FHL2: variants seen among roughly 807,000 people sequenced by gnomAD.
The protein encoded by FHL2 is four and a half LIM domains 2.
FHL2 carries 20 observed loss-of-function variants against 32.7 expected under a neutral mutation model. The observed-to-expected ratio is 0.61, with a 90% confidence interval of 0.43 to 0.89. FHL2 has a LOEUF of 0.89. Ranked by LOEUF, FHL2 falls within the 40% of genes least tolerant of loss-of-function variation. FHL2 has a pLI of 0.00. For missense variants in FHL2, 311 were observed against 358.6 expected, an observed-to-expected ratio of 0.87 and a Z score of 1.07; for synonymous variants, 123 against 128.1, an observed-to-expected ratio of 0.96 and a Z score of 0.27.
At chr2:105,371,330 T>C (rs2104522353) in intron 4 of FHL2, among the ~76,000 whole-genome samples, 2 of 152,260 alleles carry the variant, frequency 1.3e-5, no homozygotes, top group South Asian at 4.1e-4. Flanking sequence ...TAGTGGGCCT[T>C]AGGGGCAAAG....
intron 1 of FHL2, among the ~76,000 whole-genome samples, chr2:105,421,820 G>T (rs927466470): frequency 2.0e-5 from 3 of 152,218 alleles, no homozygotes; most frequent in Non-Finnish European, 4.4e-5. Flanking sequence ...CCATGCATGA[G>T]CTTGCAATGC....
chr2:105,419,175 C>T (rs181212785), intron 1 of FHL2, among the ~76,000 whole-genome samples: 1 of 152,240 alleles, frequency 6.6e-6, no homozygotes, highest in Non-Finnish European at 1.5e-5. Context: ...TATGTCACAC[C>T]AGAATATGCC....
At chr2:105,436,757 C>G (rs562053050) in intron 1 of FHL2, among the ~76,000 whole-genome samples, 13 of 152,092 alleles carry the variant, frequency 8.5e-5, no homozygotes, top group African/African-American at 3.1e-4. Flanking sequence ...AAATAGTTAT[C>G]TTTGAGTAGT....
At chr2:105,423,268 C>T (rs1019968874) in intron 1 of FHL2, among the ~76,000 whole-genome samples, 5 of 152,140 alleles carry the variant, frequency 3.3e-5, no homozygotes, top group East Asian at 1.9e-4. Flanking sequence ...AATTACAGTT[C>T]GATTTTGAAT....
At chr2:105,366,886 C>T (rs935065844) in intron 5 of FHL2, among the ~76,000 whole-genome samples, 1 of 152,232 alleles carries the variant, frequency 6.6e-6, no homozygotes, top group African/African-American at 2.4e-5. Context: ...GCTGGGACTA[C>T]AGGCGTGTGC....
At chr2:105,386,814 G>C (rs927583178) in intron 2 of FHL2, among the ~76,000 whole-genome samples, 4 of 140,370 alleles carry the variant, frequency 2.8e-5, no homozygotes, top group Non-Finnish European at 4.5e-5. Context: ...GCCCAGGCTG[G>C]AGTGCAGTGG....
intron 1 of FHL2, among the ~76,000 whole-genome samples, chr2:105,419,099 C>T (rs1388446301): frequency 1.3e-5 from 2 of 152,146 alleles, no homozygotes; most frequent in Non-Finnish European, 2.9e-5. Context: ...TATACCCATA[C>T]ATCAGAAAGA....
At chr2:105,410,024 T>C (rs957568600) in intron 1 of FHL2, among the ~76,000 whole-genome samples, 1 of 152,244 alleles carries the variant, frequency 6.6e-6, no homozygotes, top group Non-Finnish European at 1.5e-5. Context: ...CTGAGATTAC[T>C]GTGCACACTC....
At chr2:105,386,588 A>G (rs916039557) in intron 2 of FHL2, 48 bp from the exon 3 acceptor site, 3 of 1,556,458 alleles carry the variant, frequency 1.9e-6, no homozygotes, top group African/African-American at 2.7e-5. Flanking sequence ...ACTCTCTGAA[A>G]GGGGTGCACG....
intron 4 of FHL2, among the ~76,000 whole-genome samples, chr2:105,371,546 A>ATCTCTCTC (rs10701119): frequency 0.03 from 4,270 of 140,956 alleles, 148 homozygotes; most frequent in East Asian, 0.21. Flanking sequence ...ATCCCTTGAA[A>ATCTCTCTC]TCTCTCTCTC....
At chr2:105,381,431 A>G (rs1256618923) in intron 3 of FHL2, among the ~76,000 whole-genome samples, 1 of 152,158 alleles carries the variant, frequency 6.6e-6, no homozygotes, top group Non-Finnish European at 1.5e-5. Context: ...TATAGGTGGC[A>G]GGACTTGTCC....
At chr2:105,427,453 A>C (rs572426375) in intron 1 of FHL2, among the ~76,000 whole-genome samples, 13 of 152,282 alleles carry the variant, frequency 8.5e-5, no homozygotes, top group African/African-American at 3.1e-4. Flanking sequence ...GTGTCTTGTG[A>C]ACATGTGGAG....
intron 3 of FHL2, among the ~76,000 whole-genome samples, chr2:105,379,622 C>A (rs1186880800): frequency 1.3e-5 from 2 of 152,214 alleles, no homozygotes; most frequent in African/African-American, 4.8e-5. Context: ...TCCGACAAAA[C>A]TAAACTGTGC....
chr2:105,372,739 A>G (rs1681174120), intron 4 of FHL2, among the ~76,000 whole-genome samples: 1 of 151,922 alleles, frequency 6.6e-6, no homozygotes, highest in Non-Finnish European at 1.5e-5. Flanking sequence ...CAGTGAGTCA[A>G]GATTGCACCA....
chr2:105,398,852 A>G lies in FHL2; in HGVS notation c.-86T>C. 6.9e-7 allele frequency: 1 copy of G among 1,453,218 alleles called. No homozygotes were observed. The highest frequency in any genetic ancestry group is 1.5e-5 in the South Asian group (1 of 65,476). 90.0% of individuals were successfully genotyped at this position (1,453,218 alleles called of 1,614,324 possible). A position where few individuals can be genotyped will look rare whatever the true frequency, so the allele number is the denominator to read the frequency against. ...CTGCTCTCCTCTCACCAGTCTCCCCAACTCCGGCTCTGCTCCCCTCTCCTT... is the reference window on the plus strand; with the variant it reads ...CTGCTCTCCTCTCACCAGTCTCCCCGACTCCGGCTCTGCTCCCCTCTCCTT... On this transcript the variant is annotated 5_prime_UTR_variant, in exon 1 of 7. Coordinates refer to ENST00000530340, the MANE Select transcript of FHL2 (RefSeq NM_001318895.3).
chr2:105,425,462 C>T (rs1297255981), intron 1 of FHL2, among the ~76,000 whole-genome samples: 1 of 152,024 alleles, frequency 6.6e-6, no homozygotes, highest in Non-Finnish European at 1.5e-5. Flanking sequence ...GACTGTCCCC[C>T]AGCCCAACAC....
intron 2 of FHL2, among the ~76,000 whole-genome samples, chr2:105,395,680 C>G (rs1032961905): frequency 6.6e-6 from 1 of 152,214 alleles, no homozygotes; most frequent in African/African-American, 2.4e-5. Flanking sequence ...CCCAAGCAGA[C>G]AGGTCTATTT....
At chr2:105,427,765 G>C (rs1684308424) in intron 1 of FHL2, among the ~76,000 whole-genome samples, 1 of 152,120 alleles carries the variant, frequency 6.6e-6, no homozygotes, top group African/African-American at 2.4e-5. Context: ...AGCTTCACTA[G>C]GCCCTGGGTG....
At chr2:105,375,028 G>A (rs1166130131) in intron 3 of FHL2, among the ~76,000 whole-genome samples, 1 of 152,208 alleles carries the variant, frequency 6.6e-6, no homozygotes, top group Non-Finnish European at 1.5e-5. Context: ...GAGTTATGCT[G>A]AATGTAGGAT....
Sources: gnomAD v4.1 joint callset for allele counts (sites outside exome capture counted in the v4.1 genomes callset) on GRCh38, gnomAD v4.1.1 for gene constraint, MANE v1.5 for transcripts, NCBI Gene and HGNC (gene_info 2026-07-23, HGNC 2026-07-21) for gene names.